Variants in NPSR1 observed in about 807,000 individuals in gnomAD.
NPSR1 encodes the protein neuropeptide S receptor 1.
A neutral mutation model predicts 46.9 loss-of-function variants in NPSR1; 48 were observed. The ratio of observed to expected loss-of-function variants is 1.02; its 90% CI spans 0.81 to 1.30. The LOEUF (loss-of-function observed/expected upper bound fraction) is 1.30, where lower values mean the gene tolerates loss of function less well. NPSR1 is among the 50% of genes most tolerant of loss of function. The pLI, the probability that NPSR1 is intolerant of heterozygous loss-of-function variation, is 0.00. For missense variants in NPSR1, 450 were observed against 449.5 expected (o/e 1.00, Z -0.01); for synonymous variants, 176 against 168.1 (o/e 1.05, Z -0.36).
At chr7:34,842,042 A>C (rs2128762780) in intron 6 of NPSR1, among the ~76,000 whole-genome samples, 1 of 152,362 alleles carries the variant, frequency 6.6e-6, no homozygotes. Flanking sequence ...ACTTTCATAA[A>C]GATGGCTCAC....
In NPSR1 at chr7:34,686,870, T is replaced by G. The variant is rs187610222; in HGVS notation, c.280+2186T>G. On this transcript the variant is annotated intron_variant, in intron 2 of 8. Transcript: ENST00000360581. The stretch of plus-strand genomic sequence containing the variant: ...AAATATCTTAAGAGCAAATATTTCA[T>G]TTTCTCAGAACATTCAGCTGACATC... Among the ~76,000 whole-genome samples, 71 of 151,594 alleles carry G rather than the reference T, an allele frequency of 4.7e-4. No individual in the cohort carries two copies. The Middle Eastern group carries it at 0.01, about 22-fold the overall frequency.
intron 2 of NPSR1, among the ~76,000 whole-genome samples, chr7:34,712,930 T>A (rs781550137): frequency 6.6e-6 from 1 of 152,224 alleles, no homozygotes; most frequent in South Asian, 2.1e-4. Context: ...TCTCACTGGA[T>A]GGTACAGCTT....
intron 1 of NPSR1, among the ~76,000 whole-genome samples, chr7:34,680,711 A>G (rs1792586266): frequency 1.3e-5 from 2 of 152,228 alleles, no homozygotes; most frequent in Admixed American, 1.3e-4. Flanking sequence ...GCTCTTTGCA[A>G]TCACAAGAAC....
intron 8 of NPSR1, among the ~76,000 whole-genome samples, chr7:34,873,304 G>A (rs1167396306): frequency 6.6e-6 from 1 of 151,638 alleles, no homozygotes; most frequent in South Asian, 2.1e-4. Flanking sequence ...CCATTACCCA[G>A]TTCCAATGCT....
chr7:34,741,140 T>C (rs1784921323), intron 2 of NPSR1, among the ~76,000 whole-genome samples: 2 of 152,232 alleles, frequency 1.3e-5, no homozygotes, highest in South Asian at 4.1e-4. Context: ...CTTTCAGAAA[T>C]TTAGTAACAT....
At chr7:34,807,164 T>A (rs975978717) in intron 3 of NPSR1, among the ~76,000 whole-genome samples, 4 of 152,158 alleles carry the variant, frequency 2.6e-5, no homozygotes, top group African/African-American at 9.7e-5. Context: ...TGGTATTTTT[T>A]AAAAAAACAT....
intron 2 of NPSR1, among the ~76,000 whole-genome samples, chr7:34,735,476 A>G (rs1175688332): frequency 6.6e-6 from 1 of 152,230 alleles, no homozygotes; most frequent in Non-Finnish European, 1.5e-5. Context: ...ATACATCAAT[A>G]TATGTTTGGA....
chr7:34,850,665 G>C (rs1359464592), downstream of NPSR1, among the ~76,000 whole-genome samples: 2 of 152,118 alleles, frequency 1.3e-5, no homozygotes, highest in Non-Finnish European at 2.9e-5. Flanking sequence ...CTCCCAAAGT[G>C]CTGGGATTAC....
At chr7:34,805,051 A>T (rs900145543) in intron 3 of NPSR1, among the ~76,000 whole-genome samples, 4 of 152,170 alleles carry the variant, frequency 2.6e-5, no homozygotes, top group South Asian at 2.1e-4. Context: ...AAATAAATGA[A>T]GAGATGTTCC....
rs528863914 is a variant in NPSR1 at position 34,732,352 on chromosome 7, T to C, written c.281-46110T>C. 2.0e-5 allele frequency among the ~76,000 whole-genome samples: 3 copies of C among 152,268 alleles called. No homozygotes were observed. In the South Asian group the frequency reaches 6.2e-4, roughly 32 times the overall value. On this transcript the variant is annotated intron_variant, in intron 2 of 8. Transcript: ENST00000360581. ...GGGGCCCAGCTCCCTTTCTCACTCA[T>C]CAAGAAGTTGCTCAACTTTCTAATA... is the stretch of plus-strand genomic sequence containing the variant.
At chr7:34,708,334 G>A (rs1794212538) in intron 2 of NPSR1, among the ~76,000 whole-genome samples, 1 of 152,164 alleles carries the variant, frequency 6.6e-6, no homozygotes, top group Non-Finnish European at 1.5e-5. Context: ...AAGTTATAGG[G>A]TCATATTTGA....
At position 34,849,632 on chromosome 7, in the gene NPSR1, CT is replaced by C; in HGVS notation, c.1094del (p.Leu365ArgfsTer10). 1 of 1,614,144 alleles carries C rather than the reference CT, an allele frequency of 6.2e-7. No individual in the cohort carries two copies. On this transcript the variant is annotated frameshift_variant, in exon 9 of 9. Transcript: ENST00000360581. LOFTEE classifies it high-confidence loss of function. Reference sequence around the variant, plus strand: ...AACTGAGAGGCATGAGATGCAGATTCTGTCCAAGCCAGAATTCATCTAGACC... The same window carrying C: ...AACTGAGAGGCATGAGATGCAGATTCGTCCAAGCCAGAATTCATCTAGACC... ...ERTERHEMQILSKPEFI is the reference protein window; with the variant it reads ...ERTERHEMQIXSKPEFI
At chr7:34,821,600 G>A (rs1789563175) in intron 4 of NPSR1, among the ~76,000 whole-genome samples, 1 of 152,132 alleles carries the variant, frequency 6.6e-6, no homozygotes, top group South Asian at 2.1e-4. Context: ...CTTGTTAGAG[G>A]TACAGACTTG....
At chr7:34,868,770 G>T (rs1396684721) in intron 8 of NPSR1, among the ~76,000 whole-genome samples, 1 of 151,598 alleles carries the variant, frequency 6.6e-6, no homozygotes, top group African/African-American at 2.4e-5. Context: ...AAACCCTGGG[G>T]GCAGGCAGGC....
chr7:34,663,123 G>T (rs1419658106), intron 1 of NPSR1, among the ~76,000 whole-genome samples: 1 of 149,796 alleles, frequency 6.7e-6, no homozygotes, highest in Admixed American at 6.7e-5. Flanking sequence ...GAGGATGGAT[G>T]GTGAAGAGAG....
chr7:34,684,808 G>A (rs1773312264), intron 2 of NPSR1, 124 bp downstream of exon 2: 9 of 788,330 alleles, frequency 1.1e-5, no homozygotes, highest in Non-Finnish European at 1.7e-5. Flanking sequence ...AATAATTTCT[G>A]AAAGAATATA....
At chr7:34,713,170 G>A (rs1035626014) in intron 2 of NPSR1, among the ~76,000 whole-genome samples, 1 of 152,190 alleles carries the variant, frequency 6.6e-6, no homozygotes, top group Non-Finnish European at 1.5e-5. Context: ...GGTTCCTACA[G>A]TATACAGAAT....
At chr7:34,754,013 C>A (rs983893070) in intron 2 of NPSR1, among the ~76,000 whole-genome samples, 1 of 152,152 alleles carries the variant, frequency 6.6e-6, no homozygotes, top group Admixed American at 6.5e-5. Context: ...AGAAGAAAAC[C>A]TGGACATTTT....
chr7:34,763,820 G>A (rs1786295648), intron 2 of NPSR1, among the ~76,000 whole-genome samples: 1 of 152,158 alleles, frequency 6.6e-6, no homozygotes, highest in Admixed American at 6.6e-5. Context: ...CATTCTCTCA[G>A]CAAACACCCT....
Sources: gnomAD v4.1 joint callset for allele counts (sites outside exome capture counted in the v4.1 genomes callset) on GRCh38, gnomAD v4.1.1 for gene constraint, MANE v1.5 for transcripts, NCBI Gene and HGNC (gene_info 2026-07-23, HGNC 2026-07-21) for gene names.